The following NKAIN2 variants were observed in gnomAD, a reference collection of about 807,000 sequenced individuals.
NKAIN2 encodes the protein sodium/potassium-transporting ATPase subunit beta-1-interacting protein 2.
In NKAIN2, 14 loss-of-function variants were observed where a neutral mutation model predicts 32.6. That is an observed-to-expected ratio of 0.43 (90% CI 0.28 to 0.67). The LOEUF is 0.67. NKAIN2 is among the 30% of genes least tolerant of loss of function. The pLI, the probability that NKAIN2 is intolerant of heterozygous loss-of-function variation, is 0.17. For synonymous variants in NKAIN2, 80 were observed against 87.2 expected, an observed-to-expected ratio of 0.92 and a Z score of 0.46; for missense variants, 198 against 258.3, an observed-to-expected ratio of 0.77 and a Z score of 1.60.
At chr6:124,343,548 T>C (rs559282198) in intron 2 of NKAIN2, among the ~76,000 whole-genome samples, 2 of 152,208 alleles carry the variant, frequency 1.3e-5, no homozygotes, top group Admixed American at 6.5e-5. Flanking sequence ...TGGTATCTCA[T>C]TGTGGTTTTG....
At chr6:124,590,927 A>G (rs1293399950) in intron 3 of NKAIN2, among the ~76,000 whole-genome samples, 4 of 152,180 alleles carry the variant, frequency 2.6e-5, no homozygotes, top group African/African-American at 4.8e-5. Context: ...AGAGAATACA[A>G]TCACTCAAGG....
intron 3 of NKAIN2, among the ~76,000 whole-genome samples, chr6:124,582,690 A>G (rs777172718): frequency 5.3e-5 from 8 of 152,172 alleles, no homozygotes; most frequent in Non-Finnish European, 1.0e-4. Context: ...ACAGGCCAAT[A>G]TGCCTGATGA....
intron 1 of NKAIN2, among the ~76,000 whole-genome samples, chr6:123,968,602 T>G (rs1203376050): frequency 2.0e-5 from 3 of 152,192 alleles, no homozygotes; most frequent in African/African-American, 7.2e-5. Flanking sequence ...CCTAGCTTTC[T>G]CTAAGCTGTG....
chr6:123,862,882 T>C (rs1002848163), intron 1 of NKAIN2, among the ~76,000 whole-genome samples: 1 of 152,206 alleles, frequency 6.6e-6, no homozygotes, highest in African/African-American at 2.4e-5. Flanking sequence ...TACTGTACGG[T>C]AAAGTCTTTG....
intron 1 of NKAIN2, among the ~76,000 whole-genome samples, chr6:124,219,045 C>T (rs944722944): frequency 7.9e-5 from 12 of 152,044 alleles, no homozygotes; most frequent in Admixed American, 5.9e-4. Flanking sequence ...GGGAGACCAC[C>T]TCCATGATGC....
Position 124,164,736 on chromosome 6 carries a change from A to G in NKAIN2, c.55-118269A>G, listed in dbSNP as rs559841434. Among the ~76,000 whole-genome samples the G allele has an allele frequency of 1.2e-4, 18 of 152,186 alleles. No individual in the cohort carries two copies. The South Asian group carries it at 3.5e-3, about 30-fold the overall frequency. ...GCTTAACTATTAAACTGGCGGTCGT[A>G]TTACAAAAAATATTCATGGAGTGCT... is the stretch of plus-strand genomic sequence containing the variant. On this transcript the variant is annotated intron_variant, in intron 1 of 6. Transcript: ENST00000368417.
chr6:124,310,206 A>G (rs1796657851), intron 2 of NKAIN2, among the ~76,000 whole-genome samples: 2 of 152,148 alleles, frequency 1.3e-5, no homozygotes, highest in South Asian at 4.1e-4. Context: ...TAACATGGGA[A>G]TAGAAGATGA....
intron 1 of NKAIN2, among the ~76,000 whole-genome samples, chr6:124,038,088 G>C (rs547224682): frequency 6.6e-6 from 1 of 152,230 alleles, no homozygotes; most frequent in African/African-American, 2.4e-5. Flanking sequence ...AGGGACACAG[G>C]CTTGCTGGAA....
intron 4 of NKAIN2, among the ~76,000 whole-genome samples, chr6:124,744,486 A>G (rs187243073): frequency 4.6e-5 from 7 of 151,948 alleles, no homozygotes; most frequent in African/African-American, 1.7e-4. Flanking sequence ...TTAAAAAACA[A>G]TAATAAGTAG....
chr6:124,139,321 C>A (rs1296051108), intron 1 of NKAIN2, among the ~76,000 whole-genome samples: 2 of 150,600 alleles, frequency 1.3e-5, no homozygotes, highest in African/African-American at 4.9e-5. Context: ...ATCTCCTGAC[C>A]TCATGATCCA....
chr6:124,764,284 G>T (rs1163437277), intron 4 of NKAIN2, among the ~76,000 whole-genome samples: 1 of 152,078 alleles, frequency 6.6e-6, no homozygotes, highest in East Asian at 1.9e-4. Flanking sequence ...TGAAAACCTT[G>T]AAAGTTTTTT....
At chr6:124,570,207 T>A (rs912810094) in intron 3 of NKAIN2, among the ~76,000 whole-genome samples, 10 of 152,194 alleles carry the variant, frequency 6.6e-5, no homozygotes, top group African/African-American at 2.2e-4. Flanking sequence ...GTATTCCATT[T>A]TAAAAGGGAA....
intron 2 of NKAIN2, among the ~76,000 whole-genome samples, chr6:124,289,129 G>T (rs1194271595): frequency 6.6e-6 from 1 of 152,052 alleles, no homozygotes; most frequent in Non-Finnish European, 1.5e-5. Flanking sequence ...TAATAACCCT[G>T]CTTACTCTTC....
chr6:124,783,072 T>G (rs1455443541), intron 4 of NKAIN2, among the ~76,000 whole-genome samples: 1 of 152,160 alleles, frequency 6.6e-6, no homozygotes, highest in African/African-American at 2.4e-5. Flanking sequence ...ATGGAATGGT[T>G]GAACTACTGC....
chr6:124,742,092 TA>T (rs1562358031), intron 4 of NKAIN2, among the ~76,000 whole-genome samples: 1 of 151,858 alleles, frequency 6.6e-6, no homozygotes, highest in Non-Finnish European at 1.5e-5. Context: ...CAGCAAACAA[TA>T]GCTTCTCTGA....
chr6:124,564,611 G>A (rs1012447410), intron 3 of NKAIN2, among the ~76,000 whole-genome samples: 3 of 152,140 alleles, frequency 2.0e-5, no homozygotes, highest in African/African-American at 7.2e-5. Context: ...CCACTTTTAA[G>A]AGCTGTAACA....
intron 2 of NKAIN2, among the ~76,000 whole-genome samples, chr6:124,315,683 C>G (rs1442172540): frequency 6.6e-6 from 1 of 152,082 alleles, no homozygotes; most frequent in Non-Finnish European, 1.5e-5. Flanking sequence ...CTTTGTTCAC[C>G]AAATGCATTG....
Position 123,829,945 on chromosome 6 carries a change from C to A in NKAIN2, c.54+25691C>A, listed in dbSNP as rs116463048. ...GGGACATGTATATTGTTGTTGACAT[C>A]CTCTTACCCTTAACCCTTATATCAA... On this transcript the variant is annotated intron_variant, in intron 1 of 6. Transcript: ENST00000368417. 2.9e-3 allele frequency among the ~76,000 whole-genome samples: 448 copies of A among 152,284 alleles called. 3 individuals are homozygous for A. Among genetic ancestry groups the A allele is most frequent in the African/African-American group, 9.8e-3 (409 of 41,564 alleles).
At chr6:124,736,778 T>C (rs149625100) in intron 4 of NKAIN2, among the ~76,000 whole-genome samples, 1,725 of 152,056 alleles carry the variant, frequency 0.011, 14 homozygotes, top group Middle Eastern at 0.02. Flanking sequence ...TCTGCTCATT[T>C]ACAAGGTTCC....
Sources: allele counts gnomAD v4.1 joint callset (sites outside exome capture counted in the v4.1 genomes callset), GRCh38; gene constraint gnomAD v4.1.1; transcripts MANE v1.5; gene names NCBI Gene and HGNC (gene_info 2026-07-23, HGNC 2026-07-21).